HDX: variants seen among roughly 807,000 people sequenced by gnomAD.
HDX encodes the protein chromosome X open reading frame 43.
Under a neutral mutation model 45.2 loss-of-function variants are expected in HDX, and 19 were observed. The ratio of observed to expected loss-of-function variants is 0.42; its 90% CI spans 0.29 to 0.62. The LOEUF is 0.62. HDX is among the 20% of genes least tolerant of loss of function. The probability of loss-of-function intolerance (pLI) is 0.20; values close to 1 mark genes in which losing one functional copy is unlikely to be tolerated. For synonymous variants in HDX, 188 were observed against 172.8 expected, an observed-to-expected ratio of 1.09 and a Z score of -0.69; for missense variants, 532 against 493.9, an observed-to-expected ratio of 1.08 and a Z score of -0.73.
At chrX:84,408,499 GTTTTTTTTTT>G (rs1220751208) in intron 5 of HDX, among the ~76,000 whole-genome samples, 2 of 44,446 alleles carry the variant, frequency 4.5e-5, no homozygotes, top group Non-Finnish European at 7.9e-5. Context: ...CTCCAGCTTT[GTTTTTTTTTT>G]TTTTTTTTTT....
intron 5 of HDX, among the ~76,000 whole-genome samples, chrX:84,387,904 G>A (rs1052905893): frequency 8.9e-6 from 1 of 111,945 alleles, no homozygotes; most frequent in African/African-American, 3.2e-5. Flanking sequence ...GAACCTGTGT[G>A]CTGTGTACTT....
intron 9 of HDX, 74 bp from the exon 10 acceptor site, chrX:84,326,374 A>C: frequency 1.3e-6 from 1 of 760,331 alleles, no homozygotes; most frequent in Non-Finnish European, 1.9e-6. Flanking sequence ...TGCACAATAA[A>C]ATTCTAAAAA....
intron 5 of HDX, among the ~76,000 whole-genome samples, chrX:84,384,375 G>T (rs936041245): frequency 2.7e-5 from 3 of 110,285 alleles, no homozygotes; most frequent in African/African-American, 9.9e-5. Flanking sequence ...TTGTATTGGG[G>T]TTGTTTTTTG....
At chrX:84,449,017 A>G (rs1423429416) in intron 4 of HDX, among the ~76,000 whole-genome samples, 2 of 108,499 alleles carry the variant, frequency 1.8e-5, no homozygotes, top group African/African-American at 6.7e-5. Flanking sequence ...ATGGAATCAA[A>G]TAAAAAATAT....
chrX:84,455,152 A>T lies in HDX; in HGVS notation c.1251+13320T>A, dbSNP rs1722537511. Among the ~76,000 whole-genome samples, 3 of 111,634 alleles carry T rather than the reference A, an allele frequency of 2.7e-5. No individual in the cohort carries two copies. In the Admixed American group the frequency reaches 2.9e-4, roughly 11 times the overall value. On this transcript the variant is annotated intron_variant, in intron 4 of 10. Transcript: ENST00000373177. ...TGAAGACTACATTCACTATTTAAAT[A>T]TCCAATGCTCAGGCACAGACGAACA...
chrX:84,372,349 A>G (rs926206503), intron 5 of HDX, among the ~76,000 whole-genome samples: 3 of 111,980 alleles, frequency 2.7e-5, no homozygotes, highest in African/African-American at 9.7e-5. Context: ...TTAAGACATG[A>G]TTAAAATAAC....
rs2036892116 is a variant in HDX at position 84,333,641 on chromosome X, A to AGAATTAAT, written c.1824+110_1824+117dup. ...CTGACTGATATTCAAGTAGCCAGAA[A>AGAATTAAT]GAATTAATGCAGAGCCTTAGAATGC... On this transcript the variant is annotated intron_variant, in intron 9 of 10. Transcript: ENST00000373177. 5 of 389,858 alleles carry AGAATTAAT rather than the reference A, an allele frequency of 1.3e-5. No individual in the cohort carries two copies. In the East Asian group the frequency reaches 2.4e-4, roughly 19 times the overall value. The allele number at this position is 389,858 out of a possible 1,213,427, so 32.1% of individuals were successfully genotyped here. A position where few individuals can be genotyped will look rare whatever the true frequency, so the allele number is the denominator to read the frequency against.
At chrX:84,410,340 G>T (rs2038955933) in intron 5 of HDX, among the ~76,000 whole-genome samples, 1 of 111,336 alleles carries the variant, frequency 9.0e-6, no homozygotes, top group African/African-American at 3.3e-5. Flanking sequence ...TTCCTAGTTT[G>T]TTGAGGATTT....
At chrX:84,430,558 A>G (rs890243834) in intron 5 of HDX, among the ~76,000 whole-genome samples, 1 of 110,887 alleles carries the variant, frequency 9.0e-6, no homozygotes, top group African/African-American at 3.3e-5. Flanking sequence ...GCTGGATCAT[A>G]TAGTAGTTTT....
chrX:84,473,833 C>T (rs1161673607), intron 3 of HDX, among the ~76,000 whole-genome samples: 1 of 110,901 alleles, frequency 9.0e-6, no homozygotes, highest in Non-Finnish European at 1.9e-5. Context: ...TTACTAAATG[C>T]AATCTCATCA....
At chrX:84,408,064 A>G (rs762019574) in intron 5 of HDX, among the ~76,000 whole-genome samples, 2 of 111,613 alleles carry the variant, frequency 1.8e-5, no homozygotes, top group Non-Finnish European at 3.8e-5. Flanking sequence ...CCATTTATCA[A>G]TTTTTTGTTT....
At chrX:84,498,871 G>T (rs2050340956) in intron 1 of HDX, among the ~76,000 whole-genome samples, 1 of 104,920 alleles carries the variant, frequency 9.5e-6, no homozygotes, top group South Asian at 4.2e-4. Flanking sequence ...ACACATCTCA[G>T]ATTCCAGAGA....
At chrX:84,473,039 G>A (rs901520264) in intron 3 of HDX, among the ~76,000 whole-genome samples, 73 of 108,615 alleles carry the variant, frequency 6.7e-4, no homozygotes, top group African/African-American at 2.3e-3. Flanking sequence ...AAAAAAGAAA[G>A]AAAAGTAATT....
chrX:84,370,652 G>C (rs927506552), intron 5 of HDX, among the ~76,000 whole-genome samples: 1 of 111,999 alleles, frequency 8.9e-6, no homozygotes, highest in African/African-American at 3.2e-5. Context: ...GAATTCTAGA[G>C]TTTCAACTGA....
chrX:84,440,320 G>A, intron 5 of HDX: 1 of 323,262 alleles, frequency 3.1e-6, no homozygotes, highest in Non-Finnish European at 5.3e-6. Context: ...ACTGCCCATG[G>A]ATTATATGGT....
intron 6 of HDX, among the ~76,000 whole-genome samples, chrX:84,354,998 C>A (rs1051316261): frequency 1.0e-5 from 1 of 99,285 alleles, no homozygotes; most frequent in Non-Finnish European, 2.0e-5. Flanking sequence ...CACGCACACA[C>A]ACACACATAT....
At chrX:84,465,760 G>A (rs901137295) in intron 4 of HDX, among the ~76,000 whole-genome samples, 4 of 111,398 alleles carry the variant, frequency 3.6e-5, no homozygotes, top group East Asian at 2.8e-4. Flanking sequence ...TATGGCAGAT[G>A]TATACCTATG....
At chrX:84,414,100 A>T (rs958276439) in intron 5 of HDX, among the ~76,000 whole-genome samples, 1 of 111,876 alleles carries the variant, frequency 8.9e-6, no homozygotes, top group African/African-American at 3.3e-5. Context: ...AAATTTTATA[A>T]TAAGACTCAA....
At chrX:84,340,435 G>A (rs1452187533) in intron 7 of HDX, among the ~76,000 whole-genome samples, 1 of 110,369 alleles carries the variant, frequency 9.1e-6, no homozygotes, top group Non-Finnish European at 1.9e-5. Flanking sequence ...TCAGTTGTTA[G>A]GTTTTTGAAA....
Sources: gnomAD v4.1 joint callset for allele counts (sites outside exome capture counted in the v4.1 genomes callset) on GRCh38, gnomAD v4.1.1 for gene constraint, MANE v1.5 for transcripts, NCBI Gene and HGNC (gene_info 2026-07-23, HGNC 2026-07-21) for gene names.